ZNF143: variants seen among roughly 807,000 people sequenced by gnomAD.
The protein encoded by ZNF143 is SPH-binding factor.
ZNF143 carries 49 observed loss-of-function variants against 74.1 expected under a neutral mutation model. The observed-to-expected ratio is 0.66, with a 90% CI of 0.53 to 0.84. The LOEUF (loss-of-function observed/expected upper bound fraction) is 0.84. ZNF143 is among the 40% of genes least tolerant of loss of function. The pLI is 0.00. For synonymous variants in ZNF143, 304 were observed against 282.8 expected, an observed-to-expected ratio of 1.07 and a Z score of -0.75; for missense variants, 637 against 793.4, an observed-to-expected ratio of 0.80 and a Z score of 2.37.
At chr11:9,482,221 T>C (rs12289117) in intron 7 of ZNF143, among the ~76,000 whole-genome samples, 7,602 of 134,564 alleles carry the variant, frequency 0.056, 290 homozygotes, top group South Asian at 0.084. Context: ...CTGCCTGCCT[T>C]GGCTTCCCAA....
intron 12 of ZNF143, among the ~76,000 whole-genome samples, chr11:9,510,955 A>T (rs1267553063): frequency 6.6e-6 from 1 of 152,132 alleles, no homozygotes; most frequent in Admixed American, 6.5e-5. Context: ...GTCTTTACAC[A>T]GTGAGGTCAT....
In ZNF143 at chr11:9,473,967, A is replaced by T; in HGVS notation, c.232A>T (p.Ile78Phe). 6.2e-7 allele frequency: 1 copy of T among 1,614,162 alleles called. No homozygotes were observed. Among genetic ancestry groups the T allele is most frequent in the Non-Finnish European group, 8.5e-7 (1 of 1,180,010 alleles). ...KDAKLIDGQV[I>F]QLEDGSAAYV... Reference sequence around the variant, plus strand: ...TGCAAAACTCATAGATGGCCAGGTCATTCAGTTGGAAGATGGTTCTGCGGC... The same window carrying T: ...TGCAAAACTCATAGATGGCCAGGTCTTTCAGTTGGAAGATGGTTCTGCGGC... Residue 78 changes from isoleucine to phenylalanine, a missense_variant, in exon 4 of 16, where the codon ATT becomes TTT. By Grantham distance (21) the Ile-to-Phe change is conservative. This residue lies in a region of ZNF143 where 293 missense variants were observed against 307.8 expected (regional missense o/e 0.95). Coordinates refer to ENST00000396602, the MANE Select transcript of ZNF143 (RefSeq NM_003442.6).
At position 9,508,478 on chromosome 11, in the gene ZNF143, T is replaced by G. The variant is rs548824279; in HGVS notation, c.1148-141T>G. ...AAAACCATAGTTAGGGAATCTTTTC[T>G]TGTGTGCTGCCTCATGGTGGGATGA... On this transcript the variant is annotated intron_variant, in intron 11 of 15. Transcript: ENST00000396602. 2.4e-5 allele frequency: 17 copies of G among 714,222 alleles called. No homozygotes were observed. In the African/African-American group the frequency reaches 2.9e-4, roughly 12 times the overall value. The allele number at this position is 714,222 out of a possible 1,614,324, so 44.2% of individuals were successfully genotyped here. A position where few individuals can be genotyped will look rare whatever the true frequency, so the allele number is the denominator to read the frequency against.
intron 14 of ZNF143, among the ~76,000 whole-genome samples, chr11:9,523,593 G>A (rs1013331142): frequency 6.6e-6 from 1 of 151,992 alleles, no homozygotes; most frequent in Non-Finnish European, 1.5e-5. Context: ...AATTAGCTGG[G>A]CGTGATGGCG....
chr11:9,478,042 G>T (rs570733518), intron 5 of ZNF143, among the ~76,000 whole-genome samples: 1 of 152,296 alleles, frequency 6.6e-6, no homozygotes, highest in African/African-American at 2.4e-5. Context: ...TAGCCAGGAT[G>T]GTCTCAATCT....
chr11:9,513,763 C>T (rs562801103), intron 13 of ZNF143, among the ~76,000 whole-genome samples: 2 of 152,246 alleles, frequency 1.3e-5, no homozygotes, highest in South Asian at 2.1e-4. Flanking sequence ...GGTGTGGTGG[C>T]GCTCTCGTGT....
chr11:9,474,757 A>T, intron 5 of ZNF143, 124 bp downstream of exon 5: 1 of 1,030,628 alleles, frequency 9.7e-7, no homozygotes, highest in South Asian at 1.5e-5. Flanking sequence ...ATTAAAGTAC[A>T]AGGTGGCAGA....
At position 9,497,528 on chromosome 11, in the gene ZNF143, G is replaced by T. The variant is rs1848004430; in HGVS notation, c.842-147G>T. ...GTACAGGCGTGAGCCACCGTGCCCGGCCCTTTTGTACATTTTAAATAGTTA... is the reference window on the plus strand; with the variant it reads ...GTACAGGCGTGAGCCACCGTGCCCGTCCCTTTTGTACATTTTAAATAGTTA... On this transcript the variant is annotated intron_variant, in intron 9 of 15. Transcript: ENST00000396602. 3 of 621,296 alleles carry T rather than the reference G, an allele frequency of 4.8e-6. No homozygotes were observed. The East Asian group carries it at 1.1e-4, about 23-fold the overall frequency. 38.5% of individuals were successfully genotyped at this position (621,296 alleles called of 1,614,324 possible). A position where few individuals can be genotyped will look rare whatever the true frequency, so the allele number is the denominator to read the frequency against.
chr11:9,461,139 C>T (rs1177918423), intron 1 of ZNF143, 63 bp downstream of exon 1: 3 of 952,232 alleles, frequency 3.2e-6, no homozygotes, highest in Admixed American at 6.2e-5. Context: ...CCGCCCTCAG[C>T]GCGGCGGCGC....
chr11:9,490,061 G>A lies in ZNF143; in HGVS notation c.646-4585G>A, dbSNP rs896383099. ...AAGCTGAGTGTGGTGGTACTCACCT[G>A]TTGTCCTAACTACGTGGGAGGCTGA... On this transcript the variant is annotated intron_variant, in intron 7 of 15. Transcript: ENST00000396602. 4.6e-5 allele frequency among the ~76,000 whole-genome samples: 7 copies of A among 151,974 alleles called. No individual in the cohort carries two copies. The South Asian group carries it at 8.3e-4, about 18-fold the overall frequency.
At chr11:9,504,072 G>A (rs1848266615) in intron 11 of ZNF143, among the ~76,000 whole-genome samples, 1 of 137,636 alleles carries the variant, frequency 7.3e-6, no homozygotes, top group Non-Finnish European at 1.5e-5. Context: ...CAATTCTTCT[G>A]CCTCAGCCCC....
At chr11:9,506,365 C>T (rs1193902397) in intron 11 of ZNF143, among the ~76,000 whole-genome samples, 1 of 152,150 alleles carries the variant, frequency 6.6e-6, no homozygotes, top group Non-Finnish European at 1.5e-5. Flanking sequence ...GGAATACAGA[C>T]TAATTATCTG....
rs770181741 is a variant in ZNF143, at chr11:9,527,606, A to C, written c.1910A>C (p.Asp637Ala). 1.2e-6 allele frequency: 2 copies of C among 1,613,896 alleles called. No individual in the cohort carries two copies. The highest frequency in any genetic ancestry group is 1.7e-6 in the Non-Finnish European group (2 of 1,179,786). Residue 637 changes from aspartate (D) to alanine (A), a missense_variant, in exon 16 of 16, where the codon GAT becomes GCT. By Grantham distance (126) the Asp-to-Ala change is moderately radical. Transcript: ENST00000396602. ...CAACAAGGAGAAACGCCAGGGTTGG[A>C]TGATTAATCCTCAGAACAATGGAGC... ...RIQQGETPGL[D>A]D is the part of the protein sequence containing the mutation.
intron 11 of ZNF143, among the ~76,000 whole-genome samples, chr11:9,504,107 C>A (rs1316764462): frequency 1.4e-5 from 2 of 143,728 alleles, no homozygotes; most frequent in East Asian, 2.1e-4. Flanking sequence ...ATTACAGACA[C>A]CTGCCACCAC....
intron 7 of ZNF143, 71 bp downstream of exon 7, chr11:9,479,617 G>A (rs951496692): frequency 2.4e-6 from 3 of 1,269,680 alleles, no homozygotes; most frequent in Non-Finnish European, 3.4e-6. Flanking sequence ...ATGAAAGCAA[G>A]AATAGGTAAC....
At chr11:9,502,064 G>C (rs1157731943) in intron 11 of ZNF143, among the ~76,000 whole-genome samples, 1 of 148,396 alleles carries the variant, frequency 6.7e-6, no homozygotes, top group Non-Finnish European at 1.5e-5. Context: ...AGCCTCCCTA[G>C]TAACTGGGAT....
At chr11:9,478,705 A>T in intron 6 of ZNF143, 119 bp downstream of exon 6, 1 of 1,131,994 alleles carries the variant, frequency 8.8e-7, no homozygotes, top group East Asian at 2.5e-5. Flanking sequence ...TTGGCTGGGC[A>T]TGGCGTGATG....
rs143222152 is a variant in ZNF143 at position 9,496,746 on chromosome 11, G to A, written c.841+368G>A. ...CGAGTAGCTGGGATTACAGGCGCTC[G>A]TCATCATGCCCGGCTCATATTTTGT... On this transcript the variant is annotated intron_variant, in intron 9 of 15. Coordinates refer to ENST00000396602, the MANE Select transcript of ZNF143 (RefSeq NM_003442.6). Among the ~76,000 whole-genome samples, 332 of 151,896 alleles carry A rather than the reference G, an allele frequency of 2.2e-3. 1 individual carries two copies. Among genetic ancestry groups the A allele is most frequent in the Non-Finnish European group, 3.9e-3 (267 of 67,940 alleles).
intron 4 of ZNF143, 85 bp downstream of exon 4, chr11:9,474,109 A>G: frequency 9.1e-7 from 1 of 1,099,866 alleles, no homozygotes; most frequent in East Asian, 2.4e-5. Context: ...CTTACTACCT[A>G]AACTTGGTCT....
Sources: allele counts gnomAD v4.1 joint callset (sites outside exome capture counted in the v4.1 genomes callset), GRCh38; gene constraint gnomAD v4.1.1; regional missense constraint gnomAD v4.1.1; transcripts MANE v1.5; gene names NCBI Gene and HGNC (gene_info 2026-07-23, HGNC 2026-07-21).